Variants in CLDN14 observed in about 807,000 individuals in gnomAD.
CLDN14 encodes the protein claudin 14, also known as claudin-14.
A neutral mutation model predicts 2.1 loss-of-function variants in CLDN14; 2 were observed. The ratio of observed to expected loss-of-function variants is 0.96; its 90% confidence interval spans 0.39 to 3.01. The LOEUF is 3.01. CLDN14 is among the 30% of genes most tolerant of loss of function. CLDN14 has a pLI of 0.09. For synonymous variants in CLDN14, 136 were observed against 154.4 expected, an observed-to-expected ratio of 0.88 and a Z score of 0.88; for missense variants, 298 against 328.0, an observed-to-expected ratio of 0.91 and a Z score of 0.71.
chr21:36,516,203 G>T (rs1361609405), intron 1 of CLDN14, among the ~76,000 whole-genome samples: 1 of 152,084 alleles, frequency 6.6e-6, no homozygotes, highest in African/African-American at 2.4e-5. Context: ...CTCTTGTATG[G>T]ATCTATTAAA....
intron 1 of CLDN14, among the ~76,000 whole-genome samples, chr21:36,516,460 C>T (rs943696222): frequency 6.6e-6 from 1 of 152,244 alleles, no homozygotes; most frequent in African/African-American, 2.4e-5. Flanking sequence ...TCTCCTCTCT[C>T]AAGCATCTGG....
chr21:36,553,148 A>G (rs1233260534), intron 1 of CLDN14, among the ~76,000 whole-genome samples: 1 of 152,216 alleles, frequency 6.6e-6, no homozygotes, highest in African/African-American at 2.4e-5. Context: ...GGACCAAGGC[A>G]TTACACGTGA....
At chr21:36,505,553 A>G (rs2087125379) in intron 2 of CLDN14, among the ~76,000 whole-genome samples, 1 of 152,236 alleles carries the variant, frequency 6.6e-6, no homozygotes, top group South Asian at 2.1e-4. Flanking sequence ...GGGGAGTCCC[A>G]GCCTCTGAAC....
At chr21:36,533,009 G>A (rs1005807318) in intron 1 of CLDN14, among the ~76,000 whole-genome samples, 42 of 152,318 alleles carry the variant, frequency 2.8e-4, no homozygotes, top group Admixed American at 5.9e-4. Context: ...CTAGCACCAA[G>A]AGACTCCTGC....
chr21:36,466,834 A>C (rs1349908119), intron 1 of CLDN14, among the ~76,000 whole-genome samples: 2 of 152,154 alleles, frequency 1.3e-5, no homozygotes, highest in African/African-American at 4.8e-5. Flanking sequence ...ACAACATCAA[A>C]AGCAAATTAG....
chr21:36,550,358 C>T (rs2087554696), intron 1 of CLDN14, among the ~76,000 whole-genome samples: 1 of 152,164 alleles, frequency 6.6e-6, no homozygotes, highest in Non-Finnish European at 1.5e-5. Context: ...TGGCTCCTCT[C>T]CCCCTGACCC....
At chr21:36,489,129 A>ATATATAT (rs56120701) in intron 2 of CLDN14, among the ~76,000 whole-genome samples, 5 of 79,046 alleles carry the variant, frequency 6.3e-5, no homozygotes, top group Admixed American at 1.5e-4. Context: ...AAAAAAAAAA[A>ATATATAT]AAATATATAT....
upstream of CLDN14, among the ~76,000 whole-genome samples, chr21:36,484,712 CT>C (rs373280104): frequency 0.044 from 6,540 of 149,848 alleles, 182 homozygotes; most frequent in Admixed American, 0.069. Context: ...TTCTAAGAAG[CT>C]TTTTTTTTTC....
intron 1 of CLDN14, among the ~76,000 whole-genome samples, chr21:36,538,443 G>A (rs1301340937): frequency 1.3e-5 from 2 of 152,004 alleles, no homozygotes; most frequent in Admixed American, 6.6e-5. Flanking sequence ...GTGAAACCCC[G>A]TCTCTACTAA....
At chr21:36,534,522 A>C (rs1196259361) in intron 1 of CLDN14, among the ~76,000 whole-genome samples, 5 of 152,168 alleles carry the variant, frequency 3.3e-5, no homozygotes, top group Admixed American at 6.5e-5. Flanking sequence ...GCAATCCTTC[A>C]AGTCTCTCTT....
intron 1 of CLDN14, among the ~76,000 whole-genome samples, chr21:36,543,403 A>G (rs1030742974): frequency 3.9e-5 from 6 of 152,236 alleles, no homozygotes; most frequent in African/African-American, 1.4e-4. Context: ...CCGTATGAAG[A>G]TAAGAGCAAC....
intron 1 of CLDN14, among the ~76,000 whole-genome samples, chr21:36,540,104 AAGTG>A (rs1362284229): frequency 4.1e-5 from 6 of 146,324 alleles, no homozygotes; most frequent in Non-Finnish European, 7.6e-5. Context: ...TCCGTGTGTG[AAGTG>A]AGTGTGTGTG....
chr21:36,486,201 C>T (rs1222378886), intron 2 of CLDN14: 1 of 970,200 alleles, frequency 1.0e-6, no homozygotes, highest in Admixed American at 1.7e-5. Flanking sequence ...TCAATGTCTA[C>T]TGATTCCGCC....
intron 1 of CLDN14, among the ~76,000 whole-genome samples, chr21:36,543,053 G>A (rs1239183535): frequency 6.6e-6 from 1 of 152,180 alleles, no homozygotes; most frequent in Non-Finnish European, 1.5e-5. Flanking sequence ...CCTTCCACCT[G>A]GCCGGAGGTG....
chr21:36,567,363 C>T (rs1299308355), intron 1 of CLDN14, among the ~76,000 whole-genome samples: 1 of 152,182 alleles, frequency 6.6e-6, no homozygotes, highest in Non-Finnish European at 1.5e-5. Context: ...GATAGAGAAG[C>T]CCAGAGGGGC....
chr21:36,464,848 TCTC>T (rs1447999102), intron 1 of CLDN14, among the ~76,000 whole-genome samples: 1 of 152,202 alleles, frequency 6.6e-6, no homozygotes, highest in Non-Finnish European at 1.5e-5. Context: ...TGGCTAGTGT[TCTC>T]CTTGCTGTCA....
At chr21:36,520,204 G>A (rs2087259734) in intron 1 of CLDN14, among the ~76,000 whole-genome samples, 1 of 152,092 alleles carries the variant, frequency 6.6e-6, no homozygotes, top group South Asian at 2.1e-4. Flanking sequence ...CTGTGGGTCT[G>A]TGTGTCCAAA....
intron 1 of CLDN14, among the ~76,000 whole-genome samples, chr21:36,473,752 T>C (rs1349281344): frequency 6.6e-6 from 1 of 152,062 alleles, no homozygotes; most frequent in African/African-American, 2.4e-5. Flanking sequence ...GGGCTGATTC[T>C]AGGAACCCTC....
intron 1 of CLDN14, among the ~76,000 whole-genome samples, chr21:36,479,080 C>A (rs1432405571): frequency 6.6e-6 from 1 of 152,094 alleles, no homozygotes; most frequent in South Asian, 2.1e-4. Context: ...GTCTGCCTGG[C>A]CCTCTTTGCA....
Sources: allele counts gnomAD v4.1 joint callset (sites outside exome capture counted in the v4.1 genomes callset), GRCh38; gene constraint gnomAD v4.1.1; transcripts MANE v1.5; gene names NCBI Gene and HGNC (gene_info 2026-07-23, HGNC 2026-07-21).